H2BC3: variants seen among roughly 807,000 people sequenced by gnomAD.
H2BC3 encodes histone H2B type 1-B.
H2BC3 carries 8 observed loss-of-function variants against 6.0 expected under a neutral mutation model. The observed-to-expected ratio is 1.33, with a 90% CI of 0.78 to 2.40. H2BC3 has a LOEUF of 2.40. Among genes scored for constraint, H2BC3 ranks in the 30% most tolerant of loss-of-function variants. The probability of loss-of-function intolerance (pLI) is 0.00; values close to 1 mark genes in which losing one functional copy is unlikely to be tolerated. For missense variants in H2BC3, 222 were observed against 163.2 expected, an observed-to-expected ratio of 1.36 and a Z score of -1.96; for synonymous variants, 122 against 66.2, an observed-to-expected ratio of 1.84 and a Z score of -4.09.
In H2BC3 at chr6:26,043,697, C is replaced by G. The variant is rs756896467; in HGVS notation, c.-40G>C. 14 of 1,539,418 alleles carry G rather than the reference C, an allele frequency of 9.1e-6. No homozygotes were observed. The South Asian group carries it at 1.4e-4, about 15-fold the overall frequency. On this transcript the variant is annotated 5_prime_UTR_variant, in exon 1 of 1. Coordinates refer to ENST00000615966, the MANE Select transcript of H2BC3 (RefSeq NM_021062.3). Reference sequence around the variant, plus strand: ...AGAATAGAAAAGCTACTAACACTCTCCACTACAGAGTAGTACAGAGAACAG... The same window carrying G: ...AGAATAGAAAAGCTACTAACACTCTGCACTACAGAGTAGTACAGAGAACAG...
rs372198960 is a variant in H2BC3, at chr6:26,043,644, G to A, written c.14C>T (p.Ser5Phe). 3.9e-4 allele frequency: 632 copies of A among 1,602,622 alleles called. No homozygotes were observed. Among genetic ancestry groups the A allele is most frequent in the Admixed American group, 5.3e-4 (31 of 58,102 alleles). ...CTTTTTAGGGGCTGGAGCAGACTTA[G>A]AGGGTTCAGGCATTGCTATTCCTAA... is the stretch of plus-strand genomic sequence containing the variant. MPEP[S>F]KSAPAPKKGS... The change falls in exon 1 of 1, where the codon TCT becomes TTT. Residue 5 changes from serine to phenylalanine, a missense_variant. Physicochemically the swap from Ser to Phe is radical, Grantham distance 155. Transcript: ENST00000615966.
rs1283998598 is a variant in H2BC3 at position 26,043,529 on chromosome 6, G to A, written c.129C>T (p.Tyr43=). ...CGGGGTGGACCTGCTTCAGAACCTT[G>A]TACACATAGATAGAATAGCTCTCCT... The part of the protein sequence containing the change: ...SRKESYSIYV[Y]KVLKQVHPDT... The change falls in exon 1 of 1, where the codon TAC becomes TAT. Residue 43 remains tyrosine (Y), a synonymous_variant. Coordinates refer to ENST00000615966, the MANE Select transcript of H2BC3 (RefSeq NM_021062.3). The A allele has an allele frequency of 6.2e-6, 10 of 1,614,204 alleles. No homozygotes were observed. Among genetic ancestry groups the A allele is most frequent in the Non-Finnish European group, 8.5e-6 (10 of 1,180,034 alleles).
chr6:26,043,454 GT>G lies in H2BC3; in HGVS notation c.203del (p.Asn68ThrfsTer?), dbSNP rs1172590222. 1.2e-6 allele frequency: 2 copies of G among 1,614,170 alleles called. No homozygotes were observed. On this transcript the variant is annotated frameshift_variant, in exon 1 of 1. Coordinates refer to ENST00000615966, the MANE Select transcript of H2BC3 (RefSeq NM_021062.3). LOFTEE classifies it high-confidence loss of function. ...CGCCCGCGATGCGCTCGAAGATGTC[GT>G]TGACGAAGGAATTCATGATCCCCAT... ...KAMGIMNSFV[N>X]DIFERIAGEA...
rs1338289532 is a variant in H2BC3 at position 26,043,468 on chromosome 6, T to C, written c.190A>G (p.Asn64Asp). ...TCGAAGATGTCGTTGACGAAGGAAT[T>C]CATGATCCCCATGGCCTTGGATGAG... ...GISSKAMGIM[N>D]SFVNDIFERI... The change falls in exon 1 of 1, where the codon AAT becomes GAT. Residue 64 changes from asparagine to aspartate, a missense_variant. Physicochemically the swap from Asn to Asp is conservative, Grantham distance 23. Transcript: ENST00000615966. 6.2e-7 allele frequency: 1 copy of C among 1,614,182 alleles called. No homozygotes were observed. Among genetic ancestry groups the C allele is most frequent in the Admixed American group, 1.7e-5 (1 of 60,022 alleles).
rs1271490473 is a variant in H2BC3 at position 26,043,519 on chromosome 6, T to A, written c.139A>T (p.Lys47Ter). ...SYSIYVYKVL[K>*]QVHPDTGISS... ...ATGCCGGTGTCGGGGTGGACCTGCT[T>A]CAGAACCTTGTACACATAGATAGAA... Residue 47 changes from lysine to a stop codon, truncating the protein, a stop_gained, in exon 1 of 1, where the codon AAG (lysine) becomes TAG (stop). Transcript: ENST00000615966. LOFTEE classifies it high-confidence loss of function. 1 of 1,614,198 alleles carries A rather than the reference T, an allele frequency of 6.2e-7. No homozygotes were observed. The highest frequency in any genetic ancestry group is 1.7e-5 in the Admixed American group (1 of 60,010).
At position 26,043,678 on chromosome 6, in the gene H2BC3, G is replaced by C; in HGVS notation, c.-21C>G. ...GGCATTGCTATTCCTAAACAGAATA[G>C]AAAAGCTACTAACACTCTCCACTAC... On this transcript the variant is annotated 5_prime_UTR_variant, in exon 1 of 1. Transcript: ENST00000615966. 1 of 1,560,950 alleles carries C rather than the reference G, an allele frequency of 6.4e-7. No homozygotes were observed. Among genetic ancestry groups the C allele is most frequent in the Non-Finnish European group, 8.6e-7 (1 of 1,157,494 alleles).
In H2BC3 at chr6:26,043,611, T is replaced by A. The variant is rs781490038; in HGVS notation, c.47A>T (p.Lys16Met). ...CTTCTGCGCCTTAGTGATAGCCTTCTTAGAACCCTTTTTAGGGGCTGGAGC... is the reference window on the plus strand; with the variant it reads ...CTTCTGCGCCTTAGTGATAGCCTTCATAGAACCCTTTTTAGGGGCTGGAGC... ...KSAPAPKKGS[K>M]KAITKAQKKD... The change falls in exon 1 of 1, where the codon AAG becomes ATG. Residue 16 changes from lysine (K) to methionine (M), a missense_variant. Physicochemically the swap from Lys to Met is moderately conservative, Grantham distance 95. Coordinates refer to ENST00000615966, the MANE Select transcript of H2BC3 (RefSeq NM_021062.3). The A allele has an allele frequency of 6.2e-7, 1 of 1,613,222 alleles. No homozygotes were observed. Among genetic ancestry groups the A allele is most frequent in the Admixed American group, 1.7e-5 (1 of 59,856 alleles).
At position 26,043,514 on chromosome 6, in the gene H2BC3, C is replaced by G; in HGVS notation, c.144G>C (p.Gln48His). Residue 48 changes from glutamine to histidine, a missense_variant, in exon 1 of 1, where the codon CAG (glutamine) becomes CAC (histidine). Gln to His is a conservative substitution (Grantham distance 24, BLOSUM62 0). Transcript: ENST00000615966. ...ATGAGATGCCGGTGTCGGGGTGGAC[C>G]TGCTTCAGAACCTTGTACACATAGA... The part of the protein sequence containing the change: ...YSIYVYKVLK[Q>H]VHPDTGISSK... 1 of 1,614,224 alleles carries G rather than the reference C, an allele frequency of 6.2e-7. No homozygotes were observed. Among genetic ancestry groups the G allele is most frequent in the Admixed American group, 1.7e-5 (1 of 60,026 alleles).
Position 26,043,227 on chromosome 6 carries a change from T to A in H2BC3, c.*50A>T. The A allele has an allele frequency of 6.7e-7, 1 of 1,494,796 alleles. No homozygotes were observed. The highest frequency in any genetic ancestry group is 9.0e-7 in the Non-Finnish European group (1 of 1,114,726). 92.6% of individuals were successfully genotyped at this position (1,494,796 alleles called of 1,614,324 possible). The stretch of plus-strand genomic sequence containing the variant: ...GGTTATAGCTCTCCTTGTGACAAAG[T>A]AGGTGGCTCTGAAAAGAGCCTTTGG... On this transcript the variant is annotated 3_prime_UTR_variant, in exon 1 of 1. Coordinates refer to ENST00000615966, the MANE Select transcript of H2BC3 (RefSeq NM_021062.3).
chr6:26,043,356 A>C lies in H2BC3; in HGVS notation c.302T>G (p.Leu101Arg). The C allele has an allele frequency of 6.2e-7, 1 of 1,614,108 alleles. No individual in the cohort carries two copies. Among genetic ancestry groups the C allele is most frequent in the East Asian group, 2.2e-5 (1 of 44,826 alleles). The change falls in exon 1 of 1, where the codon CTG (leucine) becomes CGG (arginine). Residue 101 changes from leucine (L) to arginine (R), a missense_variant. By Grantham distance (102) the Leu-to-Arg change is moderately radical (BLOSUM62 -2). Transcript: ENST00000615966. ...TSREIQTAVR[L>R]LLPGELAKHA... ...CTTAGCCAGCTCCCCAGGCAGCAGCAGGCGCACAGCCGTCTGAATCTCCCT... is the reference window on the plus strand; with the variant it reads ...CTTAGCCAGCTCCCCAGGCAGCAGCCGGCGCACAGCCGTCTGAATCTCCCT...
In H2BC3 at chr6:26,043,343, C is replaced by T; in HGVS notation, c.315G>A (p.Gly105=). ...CGGACACAGCATGCTTAGCCAGCTC[C>T]CCAGGCAGCAGCAGGCGCACAGCCG... ...IQTAVRLLLP[G]ELAKHAVSEG... Residue 105 remains glycine, a synonymous_variant, in exon 1 of 1, where the codon GGG becomes GGA. Coordinates refer to ENST00000615966, the MANE Select transcript of H2BC3 (RefSeq NM_021062.3). The T allele has an allele frequency of 1.9e-6, 3 of 1,614,060 alleles. No homozygotes were observed. The highest frequency in any genetic ancestry group is 2.5e-6 in the Non-Finnish European group (3 of 1,179,988).
rs757602618 is a variant in H2BC3 at position 26,043,534 on chromosome 6, CATAG to C, written c.120_123del (p.Ile40MetfsTer6). 19 of 1,614,114 alleles carry C rather than the reference CATAG, an allele frequency of 1.2e-5. No homozygotes were observed. The highest frequency in any genetic ancestry group is 8.0e-5 in the African/African-American group (6 of 74,938). On this transcript the variant is annotated frameshift_variant, in exon 1 of 1. Transcript: ENST00000615966. LOFTEE classifies it high-confidence loss of function. ...TGGACCTGCTTCAGAACCTTGTACA[CATAG>C]ATAGAATAGCTCTCCTTGCGGCTGC...
chr6:26,043,672 A>C lies in H2BC3; in HGVS notation c.-15T>G. 1 of 1,564,642 alleles carries C rather than the reference A, an allele frequency of 6.4e-7. No homozygotes were observed. The highest frequency in any genetic ancestry group is 8.6e-7 in the Non-Finnish European group (1 of 1,159,140). ...GGTTCAGGCATTGCTATTCCTAAAC[A>C]GAATAGAAAAGCTACTAACACTCTC... On this transcript the variant is annotated 5_prime_UTR_variant, in exon 1 of 1. Coordinates refer to ENST00000615966, the MANE Select transcript of H2BC3 (RefSeq NM_021062.3).
Position 26,043,415 on chromosome 6 carries a change from C to T in H2BC3, c.243G>A (p.Leu81=). 1.2e-6 allele frequency: 2 copies of T among 1,614,164 alleles called. No individual in the cohort carries two copies. The highest frequency in any genetic ancestry group is 1.1e-5 in the South Asian group (1 of 91,092). Residue 81 remains leucine, a synonymous_variant, in exon 1 of 1, where the codon CTG becomes CTA. Transcript: ENST00000615966. ...TGGTCGAGCGCTTATTGTAGTGAGCCAGGCGAGAAGCCTCGCCCGCGATGC... is the reference window on the plus strand; with the variant it reads ...TGGTCGAGCGCTTATTGTAGTGAGCTAGGCGAGAAGCCTCGCCCGCGATGC... The part of the protein sequence containing the change: ...FERIAGEASR[L]AHYNKRSTIT...
Position 26,043,436 on chromosome 6 carries a change from G to C in H2BC3, c.222C>G (p.Ile74Met). ...NSFVNDIFER[I>M]AGEASRLAHY... ...GAGCCAGGCGAGAAGCCTCGCCCGC[G>C]ATGCGCTCGAAGATGTCGTTGACGA... Residue 74 changes from isoleucine to methionine, a missense_variant, in exon 1 of 1, where the codon ATC becomes ATG. By Grantham distance (10) the Ile-to-Met change is conservative (BLOSUM62 1). Coordinates refer to ENST00000615966, the MANE Select transcript of H2BC3 (RefSeq NM_021062.3). The C allele has an allele frequency of 1.2e-6, 2 of 1,614,186 alleles. No homozygotes were observed. Among genetic ancestry groups the C allele is most frequent in the Non-Finnish European group, 1.7e-6 (2 of 1,180,046 alleles).
rs139702043 is a variant in H2BC3, at chr6:26,043,394, C to T, written c.264G>A (p.Ser88=). The T allele has an allele frequency of 6.4e-5, 104 of 1,614,168 alleles. No individual in the cohort carries two copies. The African/African-American group carries it at 8.1e-4, about 13-fold the overall frequency. ...TCTGAATCTCCCTGGAGGTGATGGT[C>T]GAGCGCTTATTGTAGTGAGCCAGGC... The part of the protein sequence containing the change: ...ASRLAHYNKR[S]TITSREIQTA... Residue 88 remains serine (S), a synonymous_variant, in exon 1 of 1, where the codon TCG becomes TCA. Transcript: ENST00000615966.
rs755073705 is a variant in H2BC3, at chr6:26,043,538, G to A, written c.120C>T (p.Ile40=). The A allele has an allele frequency of 6.2e-7, 1 of 1,614,162 alleles. No individual in the cohort carries two copies. Residue 40 remains isoleucine, a synonymous_variant, in exon 1 of 1, where the codon ATC becomes ATT. Transcript: ENST00000615966. The part of the protein sequence containing the change: ...RKRSRKESYS[I]YVYKVLKQVH... The stretch of plus-strand genomic sequence containing the variant: ...CCTGCTTCAGAACCTTGTACACATA[G>A]ATAGAATAGCTCTCCTTGCGGCTGC...
Position 26,043,640 on chromosome 6 carries a change from C to T in H2BC3, c.18G>A (p.Lys6=), listed in dbSNP as rs1238543536. Residue 6 remains lysine (K), a synonymous_variant, in exon 1 of 1, where the codon AAG becomes AAA. Transcript: ENST00000615966. ...AACCCTTTTTAGGGGCTGGAGCAGA[C>T]TTAGAGGGTTCAGGCATTGCTATTC... MPEPS[K]SAPAPKKGSK... is the part of the protein sequence containing the mutation. 2 of 1,604,180 alleles carry T rather than the reference C, an allele frequency of 1.2e-6. No individual in the cohort carries two copies. The highest frequency in any genetic ancestry group is 2.2e-5 in the East Asian group (1 of 44,848).
At position 26,043,233 on chromosome 6, in the gene H2BC3, G is replaced by A. The variant is rs746841978; in HGVS notation, c.*44C>T. The A allele has an allele frequency of 6.6e-7, 1 of 1,517,112 alleles. No individual in the cohort carries two copies. Among genetic ancestry groups the A allele is most frequent in the Non-Finnish European group, 8.8e-7 (1 of 1,131,968 alleles). The allele number at this position is 1,517,112 out of a possible 1,614,324, so 94.0% of individuals were successfully genotyped here. ...AGCTCTCCTTGTGACAAAGTAGGTG[G>A]CTCTGAAAAGAGCCTTTGGGTTTGG... On this transcript the variant is annotated 3_prime_UTR_variant, in exon 1 of 1. Transcript: ENST00000615966.
Sources: gnomAD v4.1 joint callset for allele counts on GRCh38, gnomAD v4.1.1 for gene constraint, MANE v1.5 for transcripts, NCBI Gene and HGNC (gene_info 2026-07-23, HGNC 2026-07-21) for gene names.